RAD51B: variants seen among roughly 807,000 people sequenced by gnomAD.
RAD51B encodes the protein DNA repair protein RAD51 homolog 2.
A neutral mutation model predicts 42.2 loss-of-function variants in RAD51B; 38 were observed. That is an observed-to-expected ratio of 0.90 (90% CI 0.70 to 1.18). The LOEUF (loss-of-function observed/expected upper bound fraction) is 1.18. Among genes scored for constraint, RAD51B ranks in the 50% most tolerant of loss-of-function variants. RAD51B has a pLI of 0.00. For missense variants in RAD51B, 373 were observed against 400.7 expected (o/e 0.93, Z 0.59); for synonymous variants, 154 against 145.2 (o/e 1.06, Z -0.43).
chr14:67,906,549 T>C (rs2043787266), intron 7 of RAD51B, among the ~76,000 whole-genome samples: 1 of 152,112 alleles, frequency 6.6e-6, no homozygotes, highest in Non-Finnish European at 1.5e-5. Context: ...GGTAGGCTTT[T>C]TATTACTGAT....
chr14:68,655,016 G>A (rs1284179067), intron 11 of RAD51B, among the ~76,000 whole-genome samples: 1 of 152,154 alleles, frequency 6.6e-6, no homozygotes, highest in Admixed American at 6.5e-5. Flanking sequence ...CTTAGAGAGA[G>A]GCTGGCCCCA....
intron 8 of RAD51B, among the ~76,000 whole-genome samples, chr14:68,299,535 C>T (rs2081680003): frequency 6.6e-6 from 1 of 152,124 alleles, no homozygotes; most frequent in African/African-American, 2.4e-5. Context: ...CATGCAAATA[C>T]AGTGCCATTT....
intron 7 of RAD51B, among the ~76,000 whole-genome samples, chr14:68,222,122 A>G (rs1402203336): frequency 6.6e-6 from 1 of 152,230 alleles, no homozygotes; most frequent in Non-Finnish European, 1.5e-5. Flanking sequence ...ACTAGGGAAA[A>G]CAATGTGGAG....
Position 67,875,727 on chromosome 14 carries a change from C to T in RAD51B, c.453-10142C>T, listed in dbSNP as rs115236175. Among the ~76,000 whole-genome samples, 389 of 152,184 alleles carry T rather than the reference C, an allele frequency of 2.6e-3. 1 individual carries two copies. Among genetic ancestry groups the T allele is most frequent in the African/African-American group, 7.1e-3 (295 of 41,516 alleles). On this transcript the variant is annotated intron_variant, in intron 5 of 10. Coordinates refer to ENST00000471583, the MANE Select transcript of RAD51B (RefSeq NM_133510.4). ...AATGACACATTTCTCAGTACATATC[C>T]CCATTATTATGCGCCATACAGCTGT...
At chr14:68,387,735 C>T (rs956164211) in intron 8 of RAD51B, among the ~76,000 whole-genome samples, 1 of 152,120 alleles carries the variant, frequency 6.6e-6, no homozygotes, top group East Asian at 1.9e-4. Flanking sequence ...TGGTCTCACA[C>T]TCTTACACAC....
At chr14:67,843,263 G>A (rs988870999) in intron 4 of RAD51B, among the ~76,000 whole-genome samples, 25 of 149,350 alleles carry the variant, frequency 1.7e-4, no homozygotes, top group African/African-American at 6.2e-4. Flanking sequence ...TGGTCATTTT[G>A]CATTAGGTAT....
At chr14:68,093,637 T>C (rs1449013118) in intron 7 of RAD51B, among the ~76,000 whole-genome samples, 1 of 152,158 alleles carries the variant, frequency 6.6e-6, no homozygotes, top group East Asian at 1.9e-4. Context: ...TTTGTTGATC[T>C]TTTCAAAAAA....
At chr14:68,154,414 A>G (rs918725590) in intron 7 of RAD51B, among the ~76,000 whole-genome samples, 2 of 152,244 alleles carry the variant, frequency 1.3e-5, no homozygotes, top group African/African-American at 4.8e-5. Context: ...TTGGTCCTGT[A>G]TGAGTGCCAG....
At chr14:67,855,127 TGACC>T (rs2041945916) in intron 4 of RAD51B, among the ~76,000 whole-genome samples, 1 of 152,176 alleles carries the variant, frequency 6.6e-6, no homozygotes, top group African/African-American at 2.4e-5. Context: ...CTCGATCTCC[TGACC>T]TCATGATCCA....
intron 7 of RAD51B, among the ~76,000 whole-genome samples, chr14:68,270,156 G>A (rs913576773): frequency 2.6e-5 from 4 of 152,144 alleles, no homozygotes; most frequent in African/African-American, 9.7e-5. Context: ...AATTCCTTTA[G>A]TTTGTTACAT....
At chr14:68,482,898 C>T (rs1051422229), downstream of RAD51B, among the ~76,000 whole-genome samples, 2 of 152,150 alleles carry the variant, frequency 1.3e-5, no homozygotes, top group African/African-American at 4.8e-5. Context: ...AAACAGTCCC[C>T]CCAAATCTCA....
intron 10 of RAD51B, among the ~76,000 whole-genome samples, chr14:68,483,635 A>G (rs12888301): frequency 0.13 from 20,468 of 152,250 alleles, 1,695 homozygotes; most frequent in East Asian, 0.48. Context: ...GTTACCAGAC[A>G]TGATGCACGT....
intron 8 of RAD51B, among the ~76,000 whole-genome samples, chr14:68,402,407 C>G (rs1372753333): frequency 6.6e-6 from 1 of 152,144 alleles, no homozygotes; most frequent in Non-Finnish European, 1.5e-5. Context: ...TGCCAGGGGC[C>G]TAGTTTTAAA....
intron 7 of RAD51B, among the ~76,000 whole-genome samples, chr14:68,233,904 A>G (rs945315695): frequency 2.0e-5 from 3 of 152,260 alleles, no homozygotes; most frequent in African/African-American, 7.2e-5. Flanking sequence ...GTCTTACAGC[A>G]TACTAAGGCA....
At chr14:68,046,022 C>T (rs12431844) in intron 7 of RAD51B, among the ~76,000 whole-genome samples, 1 of 152,166 alleles carries the variant, frequency 6.6e-6, no homozygotes, top group Non-Finnish European at 1.5e-5. Flanking sequence ...CTGGCTCCAC[C>T]TAGGGAAATT....
intron 8 of RAD51B, among the ~76,000 whole-genome samples, chr14:68,386,334 T>C (rs975365985): frequency 6.6e-6 from 1 of 152,102 alleles, no homozygotes; most frequent in Non-Finnish European, 1.5e-5. Flanking sequence ...CATAGACAAT[T>C]GGGTTAAGTT....
intron 8 of RAD51B, among the ~76,000 whole-genome samples, chr14:68,389,398 G>C (rs557933079): frequency 6.6e-6 from 1 of 151,914 alleles, no homozygotes; most frequent in Admixed American, 6.6e-5. Flanking sequence ...GTTCTCTTTG[G>C]TACTATTTTC....
intron 10 of RAD51B, among the ~76,000 whole-genome samples, chr14:68,505,219 C>T (rs907411561): frequency 6.6e-5 from 10 of 152,204 alleles, no homozygotes; most frequent in African/African-American, 2.4e-4. Flanking sequence ...ACACCCCATG[C>T]CCGCACACAC....
At chr14:68,309,421 A>G (rs984973451) in intron 8 of RAD51B, among the ~76,000 whole-genome samples, 1 of 152,228 alleles carries the variant, frequency 6.6e-6, no homozygotes, top group Non-Finnish European at 1.5e-5. Context: ...TCAGCAAATG[A>G]GAGTCCTGAA....
Sources: gnomAD v4.1 joint callset for allele counts (sites outside exome capture counted in the v4.1 genomes callset) on GRCh38, gnomAD v4.1.1 for gene constraint, MANE v1.5 for transcripts, NCBI Gene and HGNC (gene_info 2026-07-23, HGNC 2026-07-21) for gene names.